HERC1: variants seen among roughly 807,000 people sequenced by gnomAD.
HERC1 encodes the protein probable E3 ubiquitin-protein ligase HERC1.
Under a neutral mutation model 554.3 loss-of-function variants are expected in HERC1, and 160 were observed. That is an observed-to-expected ratio of 0.29 (90% CI 0.25 to 0.33). HERC1 has a LOEUF of 0.33. HERC1 is among the 10% of genes least tolerant of loss of function. The probability of loss-of-function intolerance (pLI) is 1.00; values close to 1 mark genes in which losing one functional copy is unlikely to be tolerated. For synonymous variants in HERC1, 2,175 were observed against 2,131.7 expected (o/e 1.02, Z -0.56); for missense variants, 4,919 against 5,918.5 (o/e 0.83, Z 5.54).
At chr15:63,676,065 G>A (rs1451413924) in intron 37 of HERC1, among the ~76,000 whole-genome samples, 1 of 151,986 alleles carries the variant, frequency 6.6e-6, no homozygotes, top group Non-Finnish European at 1.5e-5. Context: ...CACTACGGCT[G>A]GCTTTTTTGT....
rs562245954 is a variant in HERC1 at position 63,641,734 on chromosome 15, C to G, written c.11434-91G>C. 1.3e-4 allele frequency: 136 copies of G among 1,071,872 alleles called. 1 individual carries two copies. In the African/African-American group the frequency reaches 1.8e-3, roughly 14 times the overall value. 66.4% of individuals were successfully genotyped at this position (1,071,872 alleles called of 1,614,324 possible). A position where few individuals can be genotyped will look rare whatever the true frequency, so the allele number is the denominator to read the frequency against. ...TAATCTGCGAAATTCCTTCTAGTAA[C>G]TGGGACATCTTTGCTTTTTGGATAT... On this transcript the variant is annotated intron_variant, in intron 59 of 77. Coordinates refer to ENST00000443617, the MANE Select transcript of HERC1 (RefSeq NM_003922.4).
chr15:63,664,479 C>T lies in HERC1; in HGVS notation c.8671G>A (p.Ala2891Thr). 6.2e-7 allele frequency: 1 copy of T among 1,613,232 alleles called. No individual in the cohort carries two copies. Among genetic ancestry groups the T allele is most frequent in the Non-Finnish European group, 8.5e-7 (1 of 1,179,388 alleles). The change falls in exon 43 of 78, where the codon GCA becomes ACA. Residue 2891 changes from alanine (A) to threonine (T), a missense_variant. Ala to Thr is a moderately conservative substitution (Grantham distance 58, BLOSUM62 0). Coordinates refer to ENST00000443617, the MANE Select transcript of HERC1 (RefSeq NM_003922.4). ...KFDLAARTLL[A>T]RAAGLYRSVQ... Reference sequence around the variant, plus strand: ...CGGAACATAAAATTACCTGCTCTTGCTAGCAGTGTGCGAGCAGCTAAGTCA... The same window carrying T: ...CGGAACATAAAATTACCTGCTCTTGTTAGCAGTGTGCGAGCAGCTAAGTCA...
intron 37 of HERC1, among the ~76,000 whole-genome samples, chr15:63,676,035 C>T (rs749042505): frequency 1.6e-4 from 25 of 151,754 alleles, no homozygotes; most frequent in Non-Finnish European, 3.5e-4. Context: ...CCCTGAGTAG[C>T]TGGGATTACA....
chr15:63,694,721 C>T lies in HERC1; in HGVS notation c.5242+53G>A, dbSNP rs2072304020. On this transcript the variant is annotated intron_variant, in intron 28 of 77. Transcript: ENST00000443617. This position sits in a 1 kb window ranked among gnomAD's most constrained non-coding sequence, Gnocchi z 4.3. ...ATATAGAACATAACTAGTACCATAA[C>T]CTCGGGCTAAAATGTAACCTGCACT... is the stretch of plus-strand genomic sequence containing the variant. 6.2e-7 allele frequency: 1 copy of T among 1,610,924 alleles called. No individual in the cohort carries two copies. The highest frequency in any genetic ancestry group is 1.3e-5 in the African/African-American group (1 of 74,830).
At chr15:63,774,351 AAG>A (rs1163370396) in intron 2 of HERC1, among the ~76,000 whole-genome samples, 2 of 152,184 alleles carry the variant, frequency 1.3e-5, no homozygotes, top group African/African-American at 2.4e-5. Context: ...ATATGAAAAT[AAG>A]AGGTTTTTTT....
chr15:63,833,232 G>A (rs992788375), intron 1 of HERC1, among the ~76,000 whole-genome samples: 2 of 152,208 alleles, frequency 1.3e-5, no homozygotes, highest in Non-Finnish European at 2.9e-5. Context: ...ATAATTTGTT[G>A]TTTTATTGGG....
chr15:63,694,448 A>G lies in HERC1; in HGVS notation c.5344T>C (p.Leu1782=). 6.2e-7 allele frequency: 1 copy of G among 1,614,038 alleles called. No individual in the cohort carries two copies. ...LAISTGLLNV[L]SQLCGTDTML... Reference sequence around the variant, plus strand: ...GTGTCTGTACCACACAACTGTGACAATACGTTTAGCAGACCAGTGGAAATT... The same window carrying G: ...GTGTCTGTACCACACAACTGTGACAGTACGTTTAGCAGACCAGTGGAAATT... Residue 1782 remains leucine (L), a synonymous_variant, in exon 29 of 78, where the codon TTG becomes CTG. Transcript: ENST00000443617. The surrounding 1 kb of genome is among the most constrained non-coding windows in gnomAD (Gnocchi z 4.3).
chr15:63,757,008 C>T (rs2075438227), intron 4 of HERC1, among the ~76,000 whole-genome samples: 1 of 151,876 alleles, frequency 6.6e-6, no homozygotes, highest in Non-Finnish European at 1.5e-5. Context: ...AATGAAACAA[C>T]AAAGTAAAAC....
chr15:63,725,278 G>A lies in HERC1; in HGVS notation c.3568+14C>T. 1.2e-6 allele frequency: 2 copies of A among 1,606,518 alleles called. No individual in the cohort carries two copies. The highest frequency in any genetic ancestry group is 1.7e-6 in the Non-Finnish European group (2 of 1,173,908). On this transcript the variant is annotated intron_variant, in intron 18 of 77. Transcript: ENST00000443617. Reference sequence around the variant, plus strand: ...ACAGGCATGTATTTTAAATGCTGCAGAGAAGCACATTACCCAATTGAGGAG... The same window carrying A: ...ACAGGCATGTATTTTAAATGCTGCAAAGAAGCACATTACCCAATTGAGGAG...
rs1207067914 is a variant in HERC1, at chr15:63,694,108, G to C, written c.5530C>G (p.Leu1844Val). ...SPKVVQSLLD[L>V]LCSQLKNLLS... Reference sequence around the variant, plus strand: ...AAATTCTTCAACTGACTACAGAGTAGATCCAACAAGGATTGAACTACTTTG... The same window carrying C: ...AAATTCTTCAACTGACTACAGAGTACATCCAACAAGGATTGAACTACTTTG... Residue 1844 changes from leucine to valine, a missense_variant, in exon 30 of 78, where the codon CTA (leucine) becomes GTA (valine). Physicochemically the swap from Leu to Val is conservative, Grantham distance 32 (BLOSUM62 1). Around this residue, in one of 11 missense-constraint regions of HERC1, gnomAD observed 1,121 missense variants for 1,244.0 expected, o/e 0.90. Transcript: ENST00000443617. The surrounding 1 kb of genome is among the most constrained non-coding windows in gnomAD (Gnocchi z 4.3). 6.2e-7 allele frequency: 1 copy of C among 1,610,370 alleles called. No homozygotes were observed. The highest frequency in any genetic ancestry group is 1.3e-5 in the African/African-American group (1 of 74,990).
chr15:63,761,186 T>C (rs183292772), intron 3 of HERC1, among the ~76,000 whole-genome samples: 7 of 152,306 alleles, frequency 4.6e-5, no homozygotes, highest in East Asian at 3.9e-4. Flanking sequence ...TACTAGAGAA[T>C]GACCCTCAAA....
intron 61 of HERC1, among the ~76,000 whole-genome samples, chr15:63,639,345 T>C (rs192094188): frequency 3.8e-4 from 58 of 152,342 alleles, no homozygotes; most frequent in African/African-American, 1.4e-3. Context: ...GAGCATTGAA[T>C]ACAGTCATAT....
At chr15:63,696,997 T>C (rs1196120555) in intron 26 of HERC1, among the ~76,000 whole-genome samples, 2 of 151,992 alleles carry the variant, frequency 1.3e-5, no homozygotes, top group East Asian at 1.9e-4. Context: ...GTAAAGATGG[T>C]ACAGAGAGTT....
intron 16 of HERC1, among the ~76,000 whole-genome samples, chr15:63,728,228 G>A (rs1225954387): frequency 6.6e-6 from 1 of 152,170 alleles, no homozygotes; most frequent in Non-Finnish European, 1.5e-5. Flanking sequence ...TGAAGAAAGT[G>A]GTTAAAACTT....
At chr15:63,783,918 T>G (rs2076361098) in intron 1 of HERC1, among the ~76,000 whole-genome samples, 1 of 151,714 alleles carries the variant, frequency 6.6e-6, no homozygotes, top group Non-Finnish European at 1.5e-5. Context: ...ATACAAAAAT[T>G]AGCTGGGCAT....
chr15:63,641,426 C>G (rs2069058686), intron 60 of HERC1, 44 bp downstream of exon 60: 1 of 1,510,584 alleles, frequency 6.6e-7, no homozygotes, highest in Non-Finnish European at 9.0e-7. Flanking sequence ...CATTCCAAAG[C>G]ACCAGGTATC....
chr15:63,716,464 T>A lies in HERC1; in HGVS notation c.3988A>T (p.Asn1330Tyr). 1 of 1,598,542 alleles carries A rather than the reference T, an allele frequency of 6.3e-7. No individual in the cohort carries two copies. Among genetic ancestry groups the A allele is most frequent in the African/African-American group, 1.4e-5 (1 of 74,014 alleles). ...GGATCAACATCTGCAGAGTCCTGGT[T>A]TTCTGATATCTTAAAGAAATTATCA... ...SSSRDRWISENQDSADVDPQE... is the reference protein window; with the variant it reads ...SSSRDRWISEYQDSADVDPQE... The change falls in exon 22 of 78, where the codon AAC becomes TAC. Residue 1330 changes from asparagine (N) to tyrosine (Y), a missense_variant. Physicochemically the swap from Asn to Tyr is moderately radical, Grantham distance 143. This residue lies in a region of HERC1 where 1,121 missense variants were observed against 1,244.0 expected (regional missense o/e 0.90). Transcript: ENST00000443617.
At chr15:63,778,480 A>G (rs1473011212) in intron 1 of HERC1, among the ~76,000 whole-genome samples, 2 of 152,224 alleles carry the variant, frequency 1.3e-5, no homozygotes, top group African/African-American at 4.8e-5. Flanking sequence ...AACGCAGAGG[A>G]AAGAAAAAGC....
intron 1 of HERC1, among the ~76,000 whole-genome samples, chr15:63,820,063 A>G (rs559520985): frequency 5.3e-5 from 8 of 152,338 alleles, no homozygotes; most frequent in Admixed American, 2.0e-4. Context: ...TCATTCCACA[A>G]TGTATATATA....
Sources: gnomAD v4.1 joint callset for allele counts (sites outside exome capture counted in the v4.1 genomes callset) on GRCh38, gnomAD v4.1.1 for gene constraint, gnomAD v4.1.1 regional missense constraint, Gnocchi (gnomAD v3.1) non-coding constraint, MANE v1.5 for transcripts, NCBI Gene and HGNC (gene_info 2026-07-23, HGNC 2026-07-21) for gene names.